MYLK: variants seen among roughly 807,000 people sequenced by gnomAD.
MYLK encodes the protein myosin light chain kinase.
In MYLK, 106 loss-of-function variants were observed where a neutral mutation model predicts 203.4. That is an observed-to-expected ratio of 0.52 (90% CI 0.45 to 0.61). The LOEUF is 0.61. Among genes scored for constraint, MYLK ranks in the 20% least tolerant of loss-of-function variants. The pLI, the probability that MYLK is intolerant of heterozygous loss-of-function variation, is 0.00. For synonymous variants in MYLK, 867 were observed against 959.5 expected (o/e 0.90, Z 1.78); for missense variants, 2,072 against 2,442.3 (o/e 0.85, Z 3.20).
In MYLK at chr3:123,737,481, A is replaced by C. The variant is rs2062716827; in HGVS notation, c.651T>G (p.Val217=). 1 of 1,614,214 alleles carries C rather than the reference A, an allele frequency of 6.2e-7. No homozygotes were observed. Among genetic ancestry groups the C allele is most frequent in the Non-Finnish European group, 8.5e-7 (1 of 1,180,032 alleles). The change falls in exon 8 of 34, where the codon GTT becomes GTG. Residue 217 remains valine, a synonymous_variant. Coordinates refer to ENST00000360304, the MANE Select transcript of MYLK (RefSeq NM_053025.4). ...VSVSEKNGMQ[V]LEIHGVNQDD... The stretch of plus-strand genomic sequence containing the variant: ...CTTGGTTGACTCCATGGATTTCCAG[A>C]ACCTGCATGCCGTTCTTCTCAGACA...
chr3:123,814,391 T>A (rs537409625), intron 3 of MYLK, among the ~76,000 whole-genome samples: 1 of 152,342 alleles, frequency 6.6e-6, no homozygotes, highest in South Asian at 2.1e-4. Flanking sequence ...GGTTTCTGAC[T>A]CTTTACAGGA....
At chr3:123,635,359 C>T (rs1420757179) in intron 29 of MYLK, among the ~76,000 whole-genome samples, 1 of 152,242 alleles carries the variant, frequency 6.6e-6, no homozygotes, top group Non-Finnish European at 1.5e-5. Context: ...GCACCGCTCT[C>T]TGTTGAGAGC....
chr3:123,817,802 T>C (rs2065798504), intron 3 of MYLK, among the ~76,000 whole-genome samples: 1 of 152,050 alleles, frequency 6.6e-6, no homozygotes, highest in Non-Finnish European at 1.5e-5. Context: ...CTTAGGGTGG[T>C]CCTGGATTCT....
chr3:123,695,461 A>T (rs1314250279), intron 18 of MYLK, among the ~76,000 whole-genome samples: 1 of 152,268 alleles, frequency 6.6e-6, no homozygotes, highest in East Asian at 1.9e-4. Context: ...GGATGAAGGC[A>T]TATTTCTGTA....
At chr3:123,674,663 C>T (rs1560053531) in intron 20 of MYLK, among the ~76,000 whole-genome samples, 1 of 152,240 alleles carries the variant, frequency 6.6e-6, no homozygotes. Context: ...GCTGCTGGTC[C>T]CTGCACCTTC....
intron 4 of MYLK, among the ~76,000 whole-genome samples, chr3:123,767,386 C>T (rs1244074246): frequency 6.6e-6 from 1 of 152,194 alleles, no homozygotes; most frequent in Non-Finnish European, 1.5e-5. Flanking sequence ...GTTGGCAGAT[C>T]ACCTGAGATC....
chr3:123,834,191 G>A (rs115326918), intron 2 of MYLK, among the ~76,000 whole-genome samples: 2,727 of 152,034 alleles, frequency 0.018, 75 homozygotes, highest in African/African-American at 0.061. Context: ...GACTACAGGT[G>A]CACGCCACCA....
intron 17 of MYLK, 135 bp downstream of exon 17, chr3:123,701,303 G>C (rs2061211275): frequency 1.1e-6 from 1 of 923,296 alleles, no homozygotes; most frequent in Admixed American, 2.1e-5. Context: ...CCCCTTCCAG[G>C]CTCTCCCTTC....
rs2062534584 is a variant in MYLK at position 123,732,928 on chromosome 3, T to C, written c.1484A>G (p.Gln495Arg). The C allele has an allele frequency of 6.2e-7, 1 of 1,614,216 alleles. No homozygotes were observed. Among genetic ancestry groups the C allele is most frequent in the Non-Finnish European group, 8.5e-7 (1 of 1,180,036 alleles). Residue 495 changes from glutamine to arginine, a missense_variant, in exon 11 of 34, where the codon CAG (glutamine) becomes CGG (arginine). Physicochemically the swap from Gln to Arg is conservative, Grantham distance 43 (BLOSUM62 1). Coordinates refer to ENST00000360304, the MANE Select transcript of MYLK (RefSeq NM_053025.4). Reference protein sequence around the residue: ...YSCTASNAQGQLSCSWTLQVE... With the variant: ...YSCTASNAQGRLSCSWTLQVE... ...TTGGAGGGTCCAGCTACAGGACAGC[T>C]GGCCTTGGGCGTTGGAAGCAGTGCA...
At chr3:123,683,217 G>A (rs1161148283) in intron 19 of MYLK, among the ~76,000 whole-genome samples, 1 of 150,036 alleles carries the variant, frequency 6.7e-6, no homozygotes, top group Non-Finnish European at 1.5e-5. Flanking sequence ...GGACGGCGCT[G>A]AGAGAGTCTC....
chr3:123,740,044 T>C (rs370628966), intron 5 of MYLK, 43 bp from the exon 6 acceptor site: 9 of 1,607,716 alleles, frequency 5.6e-6, no homozygotes, highest in South Asian at 1.1e-5. Flanking sequence ...AGCCACCAAC[T>C]TGGAGCAATG....
intron 2 of MYLK, among the ~76,000 whole-genome samples, chr3:123,870,827 T>C (rs1485796400): frequency 1.3e-5 from 2 of 152,134 alleles, no homozygotes; most frequent in Non-Finnish European, 2.9e-5. Context: ...AAGTTGAAAA[T>C]ATTTTCTATC....
intron 27 of MYLK, among the ~76,000 whole-genome samples, chr3:123,645,429 C>G (rs907219387): frequency 7.9e-5 from 12 of 152,178 alleles, no homozygotes; most frequent in Non-Finnish European, 2.9e-5. Flanking sequence ...CCACTCATAT[C>G]TACAGCTTGG....
intron 2 of MYLK, among the ~76,000 whole-genome samples, chr3:123,865,641 A>G (rs16834826): frequency 0.58 from 88,204 of 152,124 alleles, 26,279 homozygotes; most frequent in Non-Finnish European, 0.67. Context: ...GAGAACAGGT[A>G]TAATTCACCA....
chr3:123,771,480 G>C (rs182162825), intron 4 of MYLK, among the ~76,000 whole-genome samples: 14 of 152,028 alleles, frequency 9.2e-5, no homozygotes. Flanking sequence ...TTTTCTCTTT[G>C]TAATACAATC....
chr3:123,735,365 G>A (rs2062637804), intron 9 of MYLK, 33 bp downstream of exon 9: 1 of 1,613,482 alleles, frequency 6.2e-7, no homozygotes, highest in Non-Finnish European at 8.5e-7. Context: ...ATTTCAAGAG[G>A]GAAAACGTAA....
At chr3:123,679,903 C>A (rs779794413) in intron 20 of MYLK, among the ~76,000 whole-genome samples, 2 of 152,116 alleles carry the variant, frequency 1.3e-5, no homozygotes, top group Non-Finnish European at 2.9e-5. Context: ...GCAGGGGAGA[C>A]CCCCTTCTGC....
intron 7 of MYLK, 137 bp from the exon 8 acceptor site, chr3:123,737,680 G>A: frequency 8.5e-7 from 1 of 1,178,698 alleles, no homozygotes; most frequent in Non-Finnish European, 1.2e-6. Context: ...CCCTGTCAAT[G>A]TGCTCAGAGA....
At chr3:123,774,694 C>A (rs914348464) in intron 4 of MYLK, among the ~76,000 whole-genome samples, 1 of 152,156 alleles carries the variant, frequency 6.6e-6, no homozygotes, top group Non-Finnish European at 1.5e-5. Context: ...TCTTCAAGAG[C>A]ACTGTTAAAC....
Sources: allele counts gnomAD v4.1 joint callset (sites outside exome capture counted in the v4.1 genomes callset), GRCh38; gene constraint gnomAD v4.1.1; transcripts MANE v1.5; gene names NCBI Gene and HGNC (gene_info 2026-07-23, HGNC 2026-07-21).